The following CFAP210 variants were observed in gnomAD, a reference collection of about 807,000 sequenced individuals.
The protein encoded by CFAP210 is cilia and flagella associated protein 210, also known as cilia- and flagella- associated protein 210.
chr2:169,676,425 T>C, the CFAP210 span, among the ~76,000 whole-genome samples: 2 of 152,102 alleles, frequency 1.3e-5, no homozygotes, highest in Non-Finnish European at 2.9e-5. Flanking sequence ...GGGACGTTTT[T>C]AAAATCAAGT....
the CFAP210 span, among the ~76,000 whole-genome samples, chr2:169,651,092 T>C: frequency 6.6e-6 from 1 of 151,668 alleles, no homozygotes; most frequent in South Asian, 2.1e-4. Context: ...CCGGGCGTGG[T>C]GGCAGGCGCC....
chr2:169,678,947 A>C, the CFAP210 span, among the ~76,000 whole-genome samples: 2 of 152,244 alleles, frequency 1.3e-5, no homozygotes, highest in African/African-American at 4.8e-5. Flanking sequence ...TTAAATCTAC[A>C]GTCATCAAGA....
chr2:169,650,903 C>T, the CFAP210 span, among the ~76,000 whole-genome samples: 1 of 151,630 alleles, frequency 6.6e-6, no homozygotes, highest in African/African-American at 2.4e-5. Context: ...GTTAAGAGAC[C>T]AGCCTGGGCA....
the CFAP210 span, among the ~76,000 whole-genome samples, chr2:169,660,080 C>CT: frequency 1.4e-5 from 2 of 146,234 alleles, no homozygotes; most frequent in Non-Finnish European, 3.0e-5. Context: ...TTTTGTTTAT[C>CT]TTTAAAAAAA....
the CFAP210 span, chr2:169,675,003 C>A: frequency 5.9e-6 from 9 of 1,536,418 alleles, no homozygotes; most frequent in African/African-American, 8.4e-5. Context: ...TTCTTCATCA[C>A]GCTTCTTTTT....
the CFAP210 span, among the ~76,000 whole-genome samples, chr2:169,663,782 C>T: frequency 2.0e-5 from 3 of 147,554 alleles, no homozygotes; most frequent in Admixed American, 6.7e-5. Flanking sequence ...TTACGATTGC[C>T]CTAAAAATAA....
At chr2:169,694,323 T>C in the CFAP210 span, 1 of 1,613,932 alleles carries the variant, frequency 6.2e-7, no homozygotes, top group African/African-American at 1.3e-5. Flanking sequence ...TGACGAGGTG[T>C]CCATGATGCT....
chr2:169,665,319 T>C, the CFAP210 span, among the ~76,000 whole-genome samples: 1 of 152,150 alleles, frequency 6.6e-6, no homozygotes, highest in Non-Finnish European at 1.5e-5. Context: ...CTGGTCTCAC[T>C]CTGTCATCCA....
At chr2:169,650,283 C>T in the CFAP210 span, 53 of 1,487,062 alleles carry the variant, frequency 3.6e-5, no homozygotes, top group Non-Finnish European at 4.7e-5. Flanking sequence ...GTGGAAAGGT[C>T]CTAACTCTGT....
chr2:169,652,249 T>C, the CFAP210 span, among the ~76,000 whole-genome samples: 14 of 152,060 alleles, frequency 9.2e-5, no homozygotes, highest in Non-Finnish European at 1.3e-4. Flanking sequence ...TTTATAGTTA[T>C]AGAAGACAAA....
At chr2:169,678,510 A>G in the CFAP210 span, among the ~76,000 whole-genome samples, 5 of 151,958 alleles carry the variant, frequency 3.3e-5, no homozygotes, top group African/African-American at 1.2e-4. Flanking sequence ...GCTTTTTCGC[A>G]TGAATTGACA....
chr2:169,678,015 T>C, the CFAP210 span, among the ~76,000 whole-genome samples: 1 of 152,134 alleles, frequency 6.6e-6, no homozygotes, highest in African/African-American at 2.4e-5. Context: ...ATAAAACCTA[T>C]ATACTGAAAA....
the CFAP210 span, chr2:169,661,060 T>C: frequency 3.8e-6 from 2 of 528,968 alleles, no homozygotes; most frequent in South Asian, 2.9e-5. Context: ...TTGCACTAGA[T>C]GCTGGGTGGG....
chr2:169,679,702 A>AAAAC, the CFAP210 span, among the ~76,000 whole-genome samples: 5 of 149,814 alleles, frequency 3.3e-5, no homozygotes, highest in Non-Finnish European at 7.4e-5. Context: ...AAAAAAAAAA[A>AAAAC]AGGTGCCAGT....
chr2:169,665,815 C>G, the CFAP210 span, among the ~76,000 whole-genome samples: 5 of 152,274 alleles, frequency 3.3e-5, no homozygotes, highest in African/African-American at 1.2e-4. Flanking sequence ...GCTATATGTC[C>G]TGAACCAGGA....
the CFAP210 span, among the ~76,000 whole-genome samples, chr2:169,648,928 G>A: frequency 6.6e-6 from 1 of 152,124 alleles, no homozygotes; most frequent in Admixed American, 6.5e-5. Flanking sequence ...ACATGCATTT[G>A]TATTTTCTTT....
At chr2:169,681,124 T>C in the CFAP210 span, 2 of 1,613,964 alleles carry the variant, frequency 1.2e-6, no homozygotes, top group South Asian at 1.1e-5. Context: ...CAAGGCTATC[T>C]TGAATCCTTT....
At chr2:169,663,799 A>T in the CFAP210 span, among the ~76,000 whole-genome samples, 188 of 151,382 alleles carry the variant, frequency 1.2e-3, no homozygotes, top group African/African-American at 1.7e-3. Flanking sequence ...ATAATAATAA[A>T]AAAAAAAAAC....
chr2:169,662,292 CCTG>C, the CFAP210 span: 11 of 1,596,842 alleles, frequency 6.9e-6, no homozygotes, highest in Middle Eastern at 1.7e-4. Flanking sequence ...GAAACCGTCT[CCTG>C]CTTTCATGCA....
Sources: gnomAD v4.1 joint callset for allele counts (sites outside exome capture counted in the v4.1 genomes callset) on GRCh38, gnomAD v4.1.1 for gene constraint, MANE v1.5 for transcripts, NCBI Gene and HGNC (gene_info 2026-07-23, HGNC 2026-07-21) for gene names.